Variants in NCOR2 observed in about 807,000 individuals in gnomAD.
NCOR2 encodes the protein CTG repeat protein 26.
Under a neutral mutation model 262.9 loss-of-function variants are expected in NCOR2, and 81 were observed. The ratio of observed to expected loss-of-function variants is 0.31; its 90% CI spans 0.26 to 0.37. The LOEUF (loss-of-function observed/expected upper bound fraction) is 0.37. NCOR2 is among the 10% of genes least tolerant of loss of function. The probability of loss-of-function intolerance (pLI) is 1.00; values close to 1 mark genes in which losing one functional copy is unlikely to be tolerated. For missense variants in NCOR2, 3,385 were observed against 3,621.4 expected (o/e 0.93, Z 1.68); for synonymous variants, 1,659 against 1,559.3 (o/e 1.06, Z -1.51).
intron 11 of NCOR2, among the ~76,000 whole-genome samples, chr12:124,425,561 C>T (rs1201350611): frequency 1.3e-5 from 2 of 152,046 alleles, no homozygotes; most frequent in South Asian, 4.1e-4. Context: ...GTCCCTAAGG[C>T]GTGGGGTGGC....
chr12:124,515,618 T>C (rs1366281843), intron 1 of NCOR2, among the ~76,000 whole-genome samples: 1 of 150,538 alleles, frequency 6.6e-6, no homozygotes, highest in Non-Finnish European at 1.5e-5. Context: ...CATGTGAGTA[T>C]GGGTGTGTGT....
chr12:124,407,812 T>G (rs1001519370), intron 13 of NCOR2, among the ~76,000 whole-genome samples: 1 of 152,246 alleles, frequency 6.6e-6, no homozygotes, highest in Non-Finnish European at 1.5e-5. Context: ...CAGGTGCCCC[T>G]GAGAGGGCGC....
rs1041765303 is a variant in NCOR2 at position 124,341,747 on chromosome 12, CGA to C, written c.5188+74_5188+75del. ...AGGTGACCAGGTCTAGCTGCCTCCG[CGA>C]GGCCACAGGGGCACGCCCATGTCCT... is the stretch of plus-strand genomic sequence containing the variant. On this transcript the variant is annotated intron_variant, in intron 34 of 46. Coordinates refer to ENST00000405201, the Ensembl canonical transcript of NCOR2. The C allele has an allele frequency of 2.0e-6, 3 of 1,533,994 alleles. No individual in the cohort carries two copies. In the Admixed American group the frequency reaches 5.4e-5, roughly 28 times the overall value.
At chr12:124,324,794 A>G (rs2034508748) in exon 47 of NCOR2, 1 of 152,524 alleles carries the variant, frequency 6.6e-6, no homozygotes, top group Admixed American at 6.5e-5. Flanking sequence ...ATGTGTGAAA[A>G]AAACAGTCCA....
intron 13 of NCOR2, among the ~76,000 whole-genome samples, chr12:124,411,360 A>G (rs2042576239): frequency 6.6e-6 from 1 of 152,128 alleles, no homozygotes; most frequent in African/African-American, 2.4e-5. Flanking sequence ...AGGGACAGAG[A>G]TGGGGAACAG....
chr12:124,400,652 T>C, exon 15 of NCOR2: 4 of 1,614,162 alleles, frequency 2.5e-6, no homozygotes, highest in Middle Eastern at 1.6e-4. Flanking sequence ...TGTCCTCCCC[T>C]GAGGTGTCGT....
At chr12:124,342,870 C>T in intron 33 of NCOR2, 135 bp downstream of exon 35, 3 of 906,318 alleles carry the variant, frequency 3.3e-6, no homozygotes, top group Non-Finnish European at 3.3e-6. Context: ...TTGGGTCTTC[C>T]AATCCCGAGG....
intron 3 of NCOR2, among the ~76,000 whole-genome samples, chr12:124,480,812 G>A (rs1417516357): frequency 2.1e-4 from 31 of 149,242 alleles, no homozygotes; most frequent in Middle Eastern, 6.8e-3. Context: ...CCAGGCGAGT[G>A]GGGGAAGGAG....
At chr12:124,501,058 G>GCA (rs1292198031) in intron 1 of NCOR2, among the ~76,000 whole-genome samples, 3 of 66,216 alleles carry the variant, frequency 4.5e-5, no homozygotes, top group Non-Finnish European at 1.0e-4. Flanking sequence ...GCGCGCGCAC[G>GCA]CGCGCACACA....
intron 29 of NCOR2, 72 bp downstream of exon 31, chr12:124,348,102 A>G: frequency 6.3e-7 from 1 of 1,593,378 alleles, no homozygotes; most frequent in Non-Finnish European, 8.5e-7. Flanking sequence ...CCCCATCTGT[A>G]AAACGGGGTC....
chr12:124,532,250 C>T (rs1022610547), intron 1 of NCOR2, among the ~76,000 whole-genome samples: 1 of 152,032 alleles, frequency 6.6e-6, no homozygotes, highest in African/African-American at 2.4e-5. Context: ...GGTTCTTACT[C>T]AGAAAAGGCT....
intron 1 of NCOR2, among the ~76,000 whole-genome samples, chr12:124,516,703 A>G (rs1368810422): frequency 1.3e-5 from 2 of 148,738 alleles, no homozygotes; most frequent in Non-Finnish European, 3.0e-5. Context: ...AGGTCACACC[A>G]TCCTTGAGGG....
At chr12:124,464,961 C>T (rs2046346068) in intron 5 of NCOR2, among the ~76,000 whole-genome samples, 1 of 152,178 alleles carries the variant, frequency 6.6e-6, no homozygotes, top group Non-Finnish European at 1.5e-5. Context: ...TCCCAGGCCC[C>T]AAACAGGCTT....
In NCOR2 at chr12:124,549,344, C is replaced by A. The variant is rs967761633; in HGVS notation, c.-164-13733G>T. Among the ~76,000 whole-genome samples the A allele has an allele frequency of 9.9e-5, 15 of 152,166 alleles. No individual in the cohort carries two copies. Among genetic ancestry groups the A allele is most frequent in the African/African-American group, 2.9e-4 (12 of 41,422 alleles). ...CCCCGCTTGGCCGGGTGGCCCACTG[C>A]CCGTCTGGCTTTCGAGGAGATAAGC... On this transcript the variant is annotated intron_variant, in intron 1 of 32. Coordinates refer to the NCOR2 transcript ENST00000458234. The surrounding 1 kb of genome is among the most constrained non-coding windows in gnomAD (Gnocchi z 4.4).
chr12:124,341,529 G>A (rs1444644027), intron 34 of NCOR2, among the ~76,000 whole-genome samples: 1 of 152,170 alleles, frequency 6.6e-6, no homozygotes, highest in Non-Finnish European at 1.5e-5. Context: ...GAGCCACTGT[G>A]CCCGGCCACA....
chr12:124,524,597 G>A (rs556608450), intron 1 of NCOR2, among the ~76,000 whole-genome samples: 5 of 152,272 alleles, frequency 3.3e-5, no homozygotes, highest in South Asian at 4.2e-4. Flanking sequence ...AGATCCAGCC[G>A]TGCCTGAACG....
chr12:124,482,676 G>A lies in NCOR2; in HGVS notation c.411+920C>T, dbSNP rs2047559039. 6.6e-6 allele frequency among the ~76,000 whole-genome samples: 1 copy of A among 152,200 alleles called. No individual in the cohort carries two copies. Among genetic ancestry groups the A allele is most frequent in the South Asian group, 2.1e-4 (1 of 4,832 alleles). On this transcript the variant is annotated intron_variant, in intron 3 of 46. Coordinates refer to ENST00000405201, the Ensembl canonical transcript of NCOR2. This position sits in a 1 kb window ranked among gnomAD's most constrained non-coding sequence, Gnocchi z 6.3. ...GGAAATCGCACCTGGGTCACCTGAG[G>A]GCAGATGGACGGAGGGCCCTGGGAT...
At position 124,483,879 on chromosome 12, in the gene NCOR2, G is replaced by A. The variant is rs952539451; in HGVS notation, c.234-106C>T. On this transcript the variant is annotated intron_variant, in intron 2 of 46. Transcript: ENST00000405201. This position sits in a 1 kb window ranked among gnomAD's most constrained non-coding sequence, Gnocchi z 6.3. ...GAGCATCTACTGCGCGCCGTGCTCT[G>A]TATGATCCTGCCAGGAAGGTGCTCA... is the stretch of plus-strand genomic sequence containing the variant. 6.1e-6 allele frequency: 8 copies of A among 1,304,392 alleles called. No homozygotes were observed. The highest frequency in any genetic ancestry group is 2.3e-4 in the Middle Eastern group (1 of 4,270). The allele number at this position is 1,304,392 out of a possible 1,614,324, so 80.8% of individuals were successfully genotyped here. A position where few individuals can be genotyped will look rare whatever the true frequency, so the allele number is the denominator to read the frequency against.
rs2052236888 is a variant in NCOR2 at position 124,566,326 on chromosome 12, C to T, written c.-165+982G>A. Among the ~76,000 whole-genome samples, 2 of 152,218 alleles carry T rather than the reference C, an allele frequency of 1.3e-5. No individual in the cohort carries two copies. The highest frequency in any genetic ancestry group is 2.9e-5 in the Non-Finnish European group (2 of 68,046). ...GAGCGCGCGACAGGCGGCGGGAGGA[C>T]ACTCGCTTCCAAAAAAATAAACCTA... On this transcript the variant is annotated intron_variant, in intron 1 of 32. Transcript: ENST00000458234. This position sits in a 1 kb window ranked among gnomAD's most constrained non-coding sequence, Gnocchi z 4.3.
Sources: gnomAD v4.1 joint callset for allele counts (sites outside exome capture counted in the v4.1 genomes callset) on GRCh38, gnomAD v4.1.1 for gene constraint, Gnocchi (gnomAD v3.1) non-coding constraint, MANE v1.5 for transcripts, NCBI Gene and HGNC (gene_info 2026-07-23, HGNC 2026-07-21) for gene names.